QRICH1: variants seen among roughly 807,000 people sequenced by gnomAD.
The protein encoded by QRICH1 is transcriptional regulator QRICH1.
A neutral mutation model predicts 87.1 loss-of-function variants in QRICH1; 16 were observed. The ratio of observed to expected loss-of-function variants is 0.18; its 90% CI spans 0.12 to 0.28. The LOEUF is 0.28. Among genes scored for constraint, QRICH1 ranks in the 10% least tolerant of loss-of-function variants. The probability of loss-of-function intolerance (pLI) is 1.00; values close to 1 mark genes in which losing one functional copy is unlikely to be tolerated. For synonymous variants in QRICH1, 367 were observed against 368.4 expected, an observed-to-expected ratio of 1.00 and a Z score of 0.05; for missense variants, 647 against 951.7, an observed-to-expected ratio of 0.68 and a Z score of 4.21.
chr3:49,079,966 T>A (rs1241833671), intron 1 of QRICH1, among the ~76,000 whole-genome samples: 1 of 151,564 alleles, frequency 6.6e-6, no homozygotes, highest in Non-Finnish European at 1.5e-5. Flanking sequence ...GAGGCAGAGG[T>A]TGCGGTGAGC....
chr3:49,070,351 T>C (rs555081513), intron 2 of QRICH1, among the ~76,000 whole-genome samples: 2 of 152,194 alleles, frequency 1.3e-5, no homozygotes, highest in Admixed American at 6.6e-5. Context: ...CATCACCTAA[T>C]TCTGTCTACT....
upstream of QRICH1, chr3:49,094,318 G>C (rs1272070470): frequency 8.8e-6 from 3 of 339,586 alleles, no homozygotes; most frequent in East Asian, 1.3e-4. Context: ...AGGGCTCCAA[G>C]CTAGCTCTTT....
Position 49,057,986 on chromosome 3 carries a change from G to A in QRICH1, c.310-96C>T. The A allele has an allele frequency of 6.3e-7, 1 of 1,591,238 alleles. No homozygotes were observed. Among genetic ancestry groups the A allele is most frequent in the East Asian group, 2.2e-5 (1 of 44,572 alleles). The stretch of plus-strand genomic sequence containing the variant: ...AAAAGAGATCCCAGACAGGGGACCT[G>A]CAAAATGTGAGAAAACACTGGCATA... On this transcript the variant is annotated intron_variant, in intron 2 of 9. Coordinates refer to ENST00000395443, the MANE Select transcript of QRICH1 (RefSeq NM_198880.3). The surrounding 1 kb of genome is among the most constrained non-coding windows in gnomAD (Gnocchi z 5.4).
chr3:49,050,690 CAAA>C (rs913617072), intron 3 of QRICH1, among the ~76,000 whole-genome samples: 17 of 70,630 alleles, frequency 2.4e-4, no homozygotes, highest in East Asian at 7.9e-4. Context: ...CCAAGGATCA[CAAA>C]AAACAACAAC....
chr3:49,051,366 C>A (rs1559933918), intron 3 of QRICH1, among the ~76,000 whole-genome samples: 1 of 152,124 alleles, frequency 6.6e-6, no homozygotes, highest in Admixed American at 6.6e-5. Context: ...TATCATCCTC[C>A]CGGACCTCCC....
chr3:49,058,871 G>A (rs1337528052), intron 2 of QRICH1, among the ~76,000 whole-genome samples: 5 of 151,380 alleles, frequency 3.3e-5, no homozygotes, highest in African/African-American at 9.7e-5. Flanking sequence ...CAAGTGATCC[G>A]CCCACCTTGG....
At chr3:49,074,527 ACAC>A (rs2041910394) in intron 2 of QRICH1, among the ~76,000 whole-genome samples, 1 of 151,164 alleles carries the variant, frequency 6.6e-6, no homozygotes, top group African/African-American at 2.4e-5. Flanking sequence ...AGCCAAGGTC[ACAC>A]CACTGCACTC....
intron 2 of QRICH1, among the ~76,000 whole-genome samples, chr3:49,059,004 C>A (rs1248168184): frequency 6.6e-6 from 1 of 150,662 alleles, no homozygotes; most frequent in Non-Finnish European, 1.5e-5. Flanking sequence ...CTTTGTCGCC[C>A]AGGCTGGAGT....
chr3:49,043,832 C>CAAACA (rs922997296), intron 6 of QRICH1, among the ~76,000 whole-genome samples: 18 of 152,150 alleles, frequency 1.2e-4, no homozygotes, highest in South Asian at 2.1e-4. Context: ...GACTCCGTTT[C>CAAACA]AAACAAAACA....
intron 5 of QRICH1, 48 bp downstream of exon 5, chr3:49,046,377 C>A (rs1206656119): frequency 2.6e-6 from 4 of 1,549,396 alleles, no homozygotes; most frequent in Non-Finnish European, 3.5e-6. Context: ...AGCAAACATC[C>A]AATAGGAACA....
intron 6 of QRICH1, among the ~76,000 whole-genome samples, chr3:49,034,666 G>GT (rs2093263873): frequency 6.6e-6 from 1 of 152,152 alleles, no homozygotes; most frequent in Non-Finnish European, 1.5e-5. Context: ...TGGTGTTACT[G>GT]TAAGACCCTG....
chr3:49,060,785 C>T (rs2093430124), intron 2 of QRICH1, among the ~76,000 whole-genome samples: 1 of 152,092 alleles, frequency 6.6e-6, no homozygotes, highest in Non-Finnish European at 1.5e-5. Flanking sequence ...GGAGCACAAA[C>T]CCTATCGTGA....
Position 49,044,378 on chromosome 3 carries a change from G to T in QRICH1, c.1786+12C>A, listed in dbSNP as rs372663595. 1.3e-6 allele frequency: 2 copies of T among 1,577,068 alleles called. No individual in the cohort carries two copies. ...GGTAGGAAAGATATCCAAGGACAAGGGAGACTCTTACCAAGTGGAGTGACC... is the reference window on the plus strand; with the variant it reads ...GGTAGGAAAGATATCCAAGGACAAGTGAGACTCTTACCAAGTGGAGTGACC... On this transcript the variant is annotated intron_variant, in intron 6 of 9. Transcript: ENST00000395443.
At chr3:49,039,616 C>T (rs1379608154) in intron 6 of QRICH1, among the ~76,000 whole-genome samples, 2 of 76,886 alleles carry the variant, frequency 2.6e-5, no homozygotes, top group Admixed American at 1.8e-4. Flanking sequence ...GAGACTCCAT[C>T]TCAAAAAAAA....
chr3:49,030,683 T>C (rs770518164), intron 9 of QRICH1, 39 bp from the exon 10 acceptor site: 1 of 1,477,692 alleles, frequency 6.8e-7, no homozygotes, highest in Admixed American at 2.1e-5. Flanking sequence ...ACCACCAATA[T>C]AACTTCAACC....
rs937630905 is a variant in QRICH1 at position 49,030,391 on chromosome 3, T to C, written c.*61A>G. 7.2e-6 allele frequency: 11 copies of C among 1,517,818 alleles called. No individual in the cohort carries two copies. The highest frequency in any genetic ancestry group is 3.8e-5 in the Admixed American group (2 of 52,548). The allele number at this position is 1,517,818 out of a possible 1,614,324, so 94.0% of individuals were successfully genotyped here. A position where few individuals can be genotyped will look rare whatever the true frequency, so the allele number is the denominator to read the frequency against. ...AAAAAAAAAATGGAGGCCTCTTCTT[T>C]AGTGTGAAAGTCTGTCTGGTTTTTC... is the stretch of plus-strand genomic sequence containing the variant. On this transcript the variant is annotated 3_prime_UTR_variant, in exon 10 of 10. Coordinates refer to ENST00000395443, the MANE Select transcript of QRICH1 (RefSeq NM_198880.3).
chr3:49,037,673 A>G (rs1475432085), intron 6 of QRICH1, among the ~76,000 whole-genome samples: 1 of 151,078 alleles, frequency 6.6e-6, no homozygotes, highest in East Asian at 2.0e-4. Flanking sequence ...TGGAGGTTAC[A>G]GTGAGCCGAG....
At chr3:49,077,584 A>C (rs2041974153) in intron 1 of QRICH1, among the ~76,000 whole-genome samples, 1 of 152,216 alleles carries the variant, frequency 6.6e-6, no homozygotes, top group African/African-American at 2.4e-5. Context: ...TGTGGTGCTC[A>C]CATTCTTTTG....
intron 6 of QRICH1, among the ~76,000 whole-genome samples, chr3:49,040,042 TAG>T (rs548201193): frequency 2.0e-4 from 31 of 152,198 alleles, no homozygotes; most frequent in African/African-American, 6.0e-4. Flanking sequence ...GCCTGGGCGA[TAG>T]AGTGAGACTC....
Sources: allele counts gnomAD v4.1 joint callset (sites outside exome capture counted in the v4.1 genomes callset), GRCh38; gene constraint gnomAD v4.1.1; non-coding constraint Gnocchi (gnomAD v3.1); transcripts MANE v1.5; gene names NCBI Gene and HGNC (gene_info 2026-07-23, HGNC 2026-07-21).